Variants in MACROD2 observed in about 807,000 individuals in gnomAD.
MACROD2 encodes the protein ADP-ribose glycohydrolase MACROD2.
Under a neutral mutation model 70.4 loss-of-function variants are expected in MACROD2, and 36 were observed. The ratio of observed to expected loss-of-function variants is 0.51; its 90% CI spans 0.39 to 0.68. MACROD2 has a LOEUF of 0.68. Ranked by LOEUF, MACROD2 falls within the 30% of genes least tolerant of loss-of-function variation. MACROD2 has a pLI of 0.00. For synonymous variants in MACROD2, 172 were observed against 178.8 expected (o/e 0.96, Z 0.30); for missense variants, 496 against 538.4 (o/e 0.92, Z 0.78).
intron 5 of MACROD2, among the ~76,000 whole-genome samples, chr20:14,686,885 A>G (rs1260792034): frequency 2.0e-5 from 3 of 152,156 alleles, no homozygotes; most frequent in African/African-American, 4.8e-5. Context: ...TAGTCAAATC[A>G]TGTGCCAAAT....
At chr20:14,811,093 A>C (rs536021071) in intron 5 of MACROD2, among the ~76,000 whole-genome samples, 2 of 152,200 alleles carry the variant, frequency 1.3e-5, no homozygotes, top group South Asian at 4.1e-4. Context: ...ACTACTTTAA[A>C]TTTCATATGG....
intron 3 of MACROD2, among the ~76,000 whole-genome samples, chr20:14,247,580 G>A (rs1240503364): frequency 1.3e-5 from 2 of 152,188 alleles, no homozygotes; most frequent in Non-Finnish European, 2.9e-5. Flanking sequence ...CTGAAAATGT[G>A]AAATTCAAAA....
intron 8 of MACROD2, among the ~76,000 whole-genome samples, chr20:15,730,480 A>C (rs981088745): frequency 5.3e-5 from 8 of 151,986 alleles, no homozygotes; most frequent in Admixed American, 3.9e-4. Flanking sequence ...TGGAATTTGG[A>C]ATTTATTTTC....
At chr20:15,356,943 A>G (rs1192079764) in intron 6 of MACROD2, among the ~76,000 whole-genome samples, 1 of 152,224 alleles carries the variant, frequency 6.6e-6, no homozygotes, top group Non-Finnish European at 1.5e-5. Flanking sequence ...TACAAACTGA[A>G]TTCAGAATAT....
intron 3 of MACROD2, among the ~76,000 whole-genome samples, chr20:14,203,028 C>G (rs1243658682): frequency 6.7e-6 from 1 of 149,820 alleles, no homozygotes; most frequent in Non-Finnish European, 1.5e-5. Context: ...GCCTGAGCAA[C>G]AAGAGCAAAA....
chr20:14,865,395 T>G (rs1329182900), intron 5 of MACROD2, among the ~76,000 whole-genome samples: 1 of 151,356 alleles, frequency 6.6e-6, no homozygotes, highest in Non-Finnish European at 1.5e-5. Context: ...TTATTTGGCT[T>G]TTTTTTTTCT....
intron 7 of MACROD2, among the ~76,000 whole-genome samples, chr20:15,498,168 C>G (rs1439968849): frequency 6.6e-6 from 1 of 152,058 alleles, no homozygotes; most frequent in Non-Finnish European, 1.5e-5. Context: ...TTGTTTTGTC[C>G]CCTTTCTTAA....
intron 13 of MACROD2, among the ~76,000 whole-genome samples, chr20:15,978,541 A>T (rs2066344538): frequency 6.6e-6 from 1 of 151,756 alleles, no homozygotes; most frequent in Non-Finnish European, 1.5e-5. Context: ...ACTGTGGTGG[A>T]GCAGCCCAGC....
intron 5 of MACROD2, among the ~76,000 whole-genome samples, chr20:14,899,011 A>C (rs532565341): frequency 1.3e-5 from 2 of 152,178 alleles, no homozygotes; most frequent in African/African-American, 4.8e-5. Flanking sequence ...CATATGTAGC[A>C]AATAATGCCA....
At chr20:14,904,228 A>G (rs575968708) in intron 5 of MACROD2, among the ~76,000 whole-genome samples, 34 of 152,280 alleles carry the variant, frequency 2.2e-4, no homozygotes, top group Admixed American at 1.4e-3. Context: ...TGGATAGTCA[A>G]ATTTTCCTAA....
chr20:14,059,649 G>A (rs1179396642), intron 2 of MACROD2, among the ~76,000 whole-genome samples: 6 of 152,166 alleles, frequency 3.9e-5, no homozygotes, highest in Admixed American at 6.5e-5. Context: ...CCAATGCCCT[G>A]ATGAGGTTTC....
intron 3 of MACROD2, among the ~76,000 whole-genome samples, chr20:14,360,948 G>C (rs1006267041): frequency 6.6e-6 from 1 of 152,192 alleles, no homozygotes; most frequent in African/African-American, 2.4e-5. Context: ...CTCACAGAAG[G>C]ACAGAAGCTG....
chr20:14,225,342 A>G (rs1601369885), intron 3 of MACROD2, among the ~76,000 whole-genome samples: 1 of 152,208 alleles, frequency 6.6e-6, no homozygotes, highest in Non-Finnish European at 1.5e-5. Flanking sequence ...TTAAAAACAT[A>G]TATGAGAAAT....
At chr20:14,382,560 C>G (rs1208501622) in intron 3 of MACROD2, among the ~76,000 whole-genome samples, 4 of 151,770 alleles carry the variant, frequency 2.6e-5, no homozygotes, top group African/African-American at 9.7e-5. Flanking sequence ...CCCAGCGACT[C>G]CGGAGGCTGA....
chr20:15,799,060 G>T (rs76809709), intron 8 of MACROD2, among the ~76,000 whole-genome samples: 2 of 152,124 alleles, frequency 1.3e-5, no homozygotes, highest in Non-Finnish European at 2.9e-5. Context: ...GCCAAGAACT[G>T]CCAAGTTCAA....
intron 5 of MACROD2, among the ~76,000 whole-genome samples, chr20:14,755,894 T>G (rs1024913643): frequency 6.6e-6 from 1 of 152,126 alleles, no homozygotes; most frequent in Non-Finnish European, 1.5e-5. Context: ...TATACTCAAT[T>G]TAGTTGCTTT....
At chr20:14,762,703 G>A (rs1287579159) in intron 5 of MACROD2, among the ~76,000 whole-genome samples, 1 of 152,076 alleles carries the variant, frequency 6.6e-6, no homozygotes, top group African/African-American at 2.4e-5. Flanking sequence ...GCTGAGGTGG[G>A]TAGATTGCTT....
chr20:15,661,502 GAA>G (rs937474271), intron 8 of MACROD2, among the ~76,000 whole-genome samples: 4 of 152,172 alleles, frequency 2.6e-5, no homozygotes, highest in Non-Finnish European at 5.9e-5. Flanking sequence ...TCTCGAGAGT[GAA>G]AAGTCATTCA....
chr20:14,243,154 A>C (rs1295896867), intron 3 of MACROD2, among the ~76,000 whole-genome samples: 1 of 152,204 alleles, frequency 6.6e-6, no homozygotes. Flanking sequence ...TCATTGTGTT[A>C]ACTGAGTTTT....
Sources: gnomAD v4.1 joint callset for allele counts (sites outside exome capture counted in the v4.1 genomes callset) on GRCh38, gnomAD v4.1.1 for gene constraint, MANE v1.5 for transcripts, NCBI Gene and HGNC (gene_info 2026-07-23, HGNC 2026-07-21) for gene names.